KCNH1: variants seen among roughly 807,000 people sequenced by gnomAD.
The protein encoded by KCNH1 is potassium voltage-gated channel subfamily H member 1.
In KCNH1, 27 loss-of-function variants were observed where a neutral mutation model predicts 69.2. The ratio of observed to expected loss-of-function variants is 0.39; its 90% CI spans 0.29 to 0.54. The LOEUF is 0.54. KCNH1 is among the 20% of genes least tolerant of loss of function. KCNH1 has a pLI of 0.68. For missense variants in KCNH1, 798 were observed against 1,261.6 expected, an observed-to-expected ratio of 0.63 and a Z score of 5.57; for synonymous variants, 456 against 487.7, an observed-to-expected ratio of 0.93 and a Z score of 0.86.
At chr1:210,859,023 C>A in intron 7 of KCNH1, 1 of 587,762 alleles carries the variant, frequency 1.7e-6, no homozygotes, top group Non-Finnish European at 3.0e-6. Flanking sequence ...GATCAGGTCC[C>A]ATCTCCTGGG....
intron 7 of KCNH1, chr1:210,858,184 TC>T (rs781659723): frequency 2.4e-4 from 36 of 152,210 alleles, no homozygotes; most frequent in Non-Finnish European, 2.5e-4. Context: ...TACTCTTAGA[TC>T]AACTCTTTCA....
At chr1:210,736,940 TC>T (rs1682894667) in intron 10 of KCNH1, among the ~76,000 whole-genome samples, 1 of 152,198 alleles carries the variant, frequency 6.6e-6, no homozygotes, top group African/African-American at 2.4e-5. Flanking sequence ...GACTACCCTC[TC>T]TTCCCCCTCC....
chr1:211,088,803 G>A (rs1369014149), intron 4 of KCNH1, among the ~76,000 whole-genome samples: 13 of 152,210 alleles, frequency 8.5e-5, no homozygotes, highest in Admixed American at 8.5e-4. Context: ...CAGAGTAAAT[G>A]TGTGTGTATC....
chr1:210,701,042 A>G (rs1210488974), intron 10 of KCNH1, among the ~76,000 whole-genome samples: 1 of 151,850 alleles, frequency 6.6e-6, no homozygotes, highest in African/African-American at 2.4e-5. Flanking sequence ...GGTTCACGCC[A>G]CTCTCCTGCC....
At chr1:210,841,100 T>A (rs969834763) in intron 7 of KCNH1, among the ~76,000 whole-genome samples, 3 of 152,106 alleles carry the variant, frequency 2.0e-5, no homozygotes, top group Non-Finnish European at 4.4e-5. Flanking sequence ...ACCCCAAAAA[T>A]GGTCAGTCAG....
chr1:211,090,823 T>C (rs1691038698), intron 3 of KCNH1, 133 bp from the exon 4 acceptor site: 2 of 811,714 alleles, frequency 2.5e-6, no homozygotes, highest in Non-Finnish European at 3.7e-6. Context: ...CTTCAAGTGC[T>C]GGGTTATCAC....
intron 1 of KCNH1, among the ~76,000 whole-genome samples, chr1:211,113,974 TCACA>T (rs371049407): frequency 0.045 from 6,472 of 142,318 alleles, 195 homozygotes; most frequent in Non-Finnish European, 0.063. Flanking sequence ...TCTCTCTCTC[TCACA>T]CACACACACA....
intron 3 of KCNH1, among the ~76,000 whole-genome samples, chr1:211,095,867 T>C (rs1691140025): frequency 6.6e-6 from 1 of 152,162 alleles, no homozygotes; most frequent in Non-Finnish European, 1.5e-5. Flanking sequence ...TTAGAACATC[T>C]GACACTTAGT....
intron 3 of KCNH1, among the ~76,000 whole-genome samples, chr1:211,095,277 A>C (rs962098128): frequency 3.3e-5 from 5 of 152,232 alleles, no homozygotes; most frequent in African/African-American, 1.2e-4. Context: ...ACAACGGGTC[A>C]ATGTTAAATC....
At chr1:211,052,741 G>GATAC (rs1175197433) in intron 5 of KCNH1, among the ~76,000 whole-genome samples, 4 of 152,188 alleles carry the variant, frequency 2.6e-5, no homozygotes, top group Non-Finnish European at 5.9e-5. Flanking sequence ...TAAGGATTTG[G>GATAC]GTATGGCCTC....
At chr1:210,815,100 A>T (rs1198652832) in intron 7 of KCNH1, among the ~76,000 whole-genome samples, 1 of 152,220 alleles carries the variant, frequency 6.6e-6, no homozygotes, top group East Asian at 1.9e-4. Context: ...GTAGAAATGC[A>T]AATTCTCAGG....
chr1:210,927,035 A>AAAAATG (rs1687587961), intron 6 of KCNH1, among the ~76,000 whole-genome samples: 1 of 152,214 alleles, frequency 6.6e-6, no homozygotes, highest in African/African-American at 2.4e-5. Context: ...AAGAATTTTA[A>AAAAATG]AAAATGAACA....
chr1:210,803,260 C>G (rs561239806), intron 8 of KCNH1, among the ~76,000 whole-genome samples: 1 of 152,290 alleles, frequency 6.6e-6, no homozygotes, highest in East Asian at 1.9e-4. Context: ...TGCCACCAAA[C>G]CCAGCTAATT....
intron 10 of KCNH1, among the ~76,000 whole-genome samples, chr1:210,765,482 T>A (rs1252388480): frequency 6.6e-6 from 1 of 152,232 alleles, no homozygotes; most frequent in Non-Finnish European, 1.5e-5. Flanking sequence ...ATTAGCTTAA[T>A]GGATCAGAAG....
intron 10 of KCNH1, among the ~76,000 whole-genome samples, chr1:210,693,594 G>A (rs1273861591): frequency 6.6e-6 from 1 of 151,954 alleles, no homozygotes; most frequent in Non-Finnish European, 1.5e-5. Context: ...AGTTCATGAT[G>A]TAAGGAGAAA....
chr1:211,040,475 A>AT (rs1171125059), intron 5 of KCNH1, among the ~76,000 whole-genome samples: 1 of 151,858 alleles, frequency 6.6e-6, no homozygotes, highest in Non-Finnish European at 1.5e-5. Context: ...CTTCTTCCTC[A>AT]TTTTCTCTTG....
At chr1:210,724,619 T>A (rs921075890) in intron 10 of KCNH1, among the ~76,000 whole-genome samples, 2 of 152,210 alleles carry the variant, frequency 1.3e-5, no homozygotes, top group Non-Finnish European at 2.9e-5. Context: ...GCAGAAGGCA[T>A]GGGCTTTGCA....
At chr1:210,726,191 G>A (rs1682586505) in intron 10 of KCNH1, among the ~76,000 whole-genome samples, 1 of 152,148 alleles carries the variant, frequency 6.6e-6, no homozygotes, top group African/African-American at 2.4e-5. Context: ...TAAATGAACA[G>A]GATCCTGGTA....
chr1:210,975,410 A>G (rs935997600), intron 6 of KCNH1, among the ~76,000 whole-genome samples: 8 of 152,216 alleles, frequency 5.3e-5, no homozygotes. Flanking sequence ...GATGTAGACC[A>G]ATGGAACAGA....
Sources: gnomAD v4.1 joint callset for allele counts (sites outside exome capture counted in the v4.1 genomes callset) on GRCh38, gnomAD v4.1.1 for gene constraint, MANE v1.5 for transcripts, NCBI Gene and HGNC (gene_info 2026-07-23, HGNC 2026-07-21) for gene names.